Variants in ZNF549 observed in about 807,000 individuals in gnomAD.
The protein encoded by ZNF549 is zinc finger protein 549.
In ZNF549, 11 loss-of-function variants were observed where a neutral mutation model predicts 11.1. That is an observed-to-expected ratio of 0.99 (90% CI 0.62 to 1.64). The LOEUF (loss-of-function observed/expected upper bound fraction) is 1.64, where lower values mean the gene tolerates loss of function less well. ZNF549 is among the 40% of genes most tolerant of loss of function. ZNF549 has a pLI of 0.00. For missense variants in ZNF549, 748 were observed against 765.1 expected, an observed-to-expected ratio of 0.98 and a Z score of 0.26; for synonymous variants, 266 against 269.1, an observed-to-expected ratio of 0.99 and a Z score of 0.11.
At chr19:57,536,302 T>A (rs2089924310) in intron 3 of ZNF549, among the ~76,000 whole-genome samples, 1 of 152,144 alleles carries the variant, frequency 6.6e-6, no homozygotes, top group Admixed American at 6.5e-5. Context: ...CATCCTAGCT[T>A]AGCAACACAG....
chr19:57,527,508 C>T lies in ZNF549; in HGVS notation c.-66C>T, dbSNP rs1568587738. Reference sequence around the variant, plus strand: ...CTGAGCGTCGCCCAGCGATTTGCCACCGCACGCACGCCGGATCCCGGGCTT... The same window carrying T: ...CTGAGCGTCGCCCAGCGATTTGCCATCGCACGCACGCCGGATCCCGGGCTT... On this transcript the variant is annotated 5_prime_UTR_variant, in exon 1 of 4. Transcript: ENST00000376233. 1 of 1,605,960 alleles carries T rather than the reference C, an allele frequency of 6.2e-7. No homozygotes were observed. Among genetic ancestry groups the T allele is most frequent in the East Asian group, 2.2e-5 (1 of 44,586 alleles).
At position 57,534,337 on chromosome 19, in the gene ZNF549, A is replaced by G. The variant is rs145755246; in HGVS notation, c.73-807A>G. ...GGCAAAGCAGTAATGGAGGTCAAAT[A>G]ACACCAAGGTCAGGGCTGGTGCTTT... is the stretch of plus-strand genomic sequence containing the variant. On this transcript the variant is annotated intron_variant, in intron 2 of 3. Transcript: ENST00000376233. 4.6e-4 allele frequency among the ~76,000 whole-genome samples: 70 copies of G among 152,294 alleles called. 1 individual carries two copies. In the East Asian group the frequency reaches 0.013, roughly 29 times the overall value.
chr19:57,537,836 A>C lies in ZNF549; in HGVS notation c.832A>C (p.Asn278His). Reference protein sequence around the residue: ...THNAEKPYVCNICGKSFLHKQ... With the variant: ...THNAEKPYVCHICGKSFLHKQ... ...TAATGCAGAAAAGCCTTATGTGTGC[A>C]ATATATGTGGGAAATCATTCCTCCA... is the stretch of plus-strand genomic sequence containing the variant. The change falls in exon 4 of 4, where the codon AAT (asparagine) becomes CAT (histidine). Residue 278 changes from asparagine (N) to histidine (H), a missense_variant. Transcript: ENST00000376233. 1 of 1,614,242 alleles carries C rather than the reference A, an allele frequency of 6.2e-7. No individual in the cohort carries two copies. Among genetic ancestry groups the C allele is most frequent in the Non-Finnish European group, 8.5e-7 (1 of 1,180,036 alleles).
At chr19:57,536,999 G>A (rs192964974) in intron 3 of ZNF549, among the ~76,000 whole-genome samples, 61 of 152,290 alleles carry the variant, frequency 4.0e-4, no homozygotes, top group African/African-American at 1.3e-3. Context: ...GGGAGGCTGA[G>A]ATGGGAGTGT....
intron 1 of ZNF549, among the ~76,000 whole-genome samples, chr19:57,530,063 C>T (rs1416141860): frequency 6.6e-6 from 1 of 151,946 alleles, no homozygotes; most frequent in Non-Finnish European, 1.5e-5. Context: ...CTGCAAATAG[C>T]AAAACAGCTG....
At chr19:57,534,911 C>T (rs1047463260) in intron 2 of ZNF549, among the ~76,000 whole-genome samples, 6 of 152,132 alleles carry the variant, frequency 3.9e-5, no homozygotes, top group African/African-American at 9.7e-5. Flanking sequence ...TCAGGATCCT[C>T]GTACTGGCAC....
Position 57,527,419 on chromosome 19 carries a change from G to A in ZNF549, c.-155G>A. 9.0e-7 allele frequency: 1 copy of A among 1,115,338 alleles called. No homozygotes were observed. Among genetic ancestry groups the A allele is most frequent in the South Asian group, 1.3e-5 (1 of 75,258 alleles). The allele number at this position is 1,115,338 out of a possible 1,614,324, so 69.1% of individuals were successfully genotyped here. A position where few individuals can be genotyped will look rare whatever the true frequency, so the allele number is the denominator to read the frequency against. ...TTCCGGCTCGCTGGGTCCGGGCCAG[G>A]TAACTGGAGCCGGAAACCGGTGGAG... On this transcript the variant is annotated 5_prime_UTR_variant, in exon 1 of 4. Transcript: ENST00000376233.
intron 2 of ZNF549, among the ~76,000 whole-genome samples, chr19:57,531,365 A>G (rs1036018049): frequency 3.9e-5 from 6 of 152,168 alleles, no homozygotes; most frequent in African/African-American, 1.4e-4. Flanking sequence ...AGAGATGAGA[A>G]TGATATGGGC....
At chr19:57,536,110 A>T (rs767622939) in intron 3 of ZNF549, among the ~76,000 whole-genome samples, 1 of 152,084 alleles carries the variant, frequency 6.6e-6, no homozygotes, top group African/African-American at 2.4e-5. Flanking sequence ...TGTTCTCCAC[A>T]TCTCTCCTGT....
In ZNF549 at chr19:57,538,838, C is replaced by G; in HGVS notation, c.1834C>G (p.Pro612Ala). 1 of 1,613,778 alleles carries G rather than the reference C, an allele frequency of 6.2e-7. No individual in the cohort carries two copies. Among genetic ancestry groups the G allele is most frequent in the Non-Finnish European group, 8.5e-7 (1 of 1,180,030 alleles). The change falls in exon 4 of 4, where the codon CCG becomes GCG. Residue 612 changes from proline (P) to alanine (A), a missense_variant. Physicochemically the swap from Pro to Ala is conservative, Grantham distance 27. Transcript: ENST00000376233. ...TCAGCGAATCCACACCGGAGAAAAG[C>G]CGTATGAATGTGGTAAATGTGGGAA... ...EHQRIHTGEKPYECGKCGKAF... is the reference protein window; with the variant it reads ...EHQRIHTGEKAYECGKCGKAF...
At position 57,527,469 on chromosome 19, in the gene ZNF549, T is replaced by C; in HGVS notation, c.-105T>C. The C allele has an allele frequency of 6.6e-7, 1 of 1,504,282 alleles. No individual in the cohort carries two copies. The highest frequency in any genetic ancestry group is 1.2e-5 in the South Asian group (1 of 85,858). The allele number at this position is 1,504,282 out of a possible 1,614,324, so 93.2% of individuals were successfully genotyped here. On this transcript the variant is annotated 5_prime_UTR_variant, in exon 1 of 4. Transcript: ENST00000376233. The stretch of plus-strand genomic sequence containing the variant: ...GGTGGTGTCCGCCCGCAGAGGAGCT[T>C]GCCTGGTCTCGGTCTGAGCGTCGCC...
At chr19:57,528,656 C>T (rs192514084) in intron 1 of ZNF549, among the ~76,000 whole-genome samples, 3 of 152,272 alleles carry the variant, frequency 2.0e-5, no homozygotes, top group Non-Finnish European at 4.4e-5. Context: ...GAGGGTGGGA[C>T]ACTGTGTAGA....
chr19:57,535,853 C>A (rs773815168), intron 3 of ZNF549, among the ~76,000 whole-genome samples: 3 of 152,060 alleles, frequency 2.0e-5, no homozygotes, highest in Non-Finnish European at 4.4e-5. Context: ...AGGGGAGAGG[C>A]CTGTGTTCCT....
chr19:57,527,483 C>T lies in ZNF549; in HGVS notation c.-91C>T, dbSNP rs2089882513. ...GCAGAGGAGCTTGCCTGGTCTCGGT[C>T]TGAGCGTCGCCCAGCGATTTGCCAC... On this transcript the variant is annotated 5_prime_UTR_variant, in exon 1 of 4. Coordinates refer to ENST00000376233, the MANE Select transcript of ZNF549 (RefSeq NM_001199295.2). The T allele has an allele frequency of 1.3e-6, 2 of 1,566,232 alleles. No homozygotes were observed. The highest frequency in any genetic ancestry group is 3.4e-5 in the Admixed American group (2 of 57,978).
At chr19:57,537,100 A>C (rs1032823858) in intron 3 of ZNF549, 104 bp from the exon 4 acceptor site, 1 of 1,373,068 alleles carries the variant, frequency 7.3e-7, no homozygotes, top group Non-Finnish European at 9.8e-7. Flanking sequence ...TCTCAAAGAA[A>C]AACCATGGAC....
intron 3 of ZNF549, among the ~76,000 whole-genome samples, chr19:57,535,687 C>T (rs896938103): frequency 2.0e-5 from 3 of 152,114 alleles, no homozygotes; most frequent in South Asian, 4.2e-4. Flanking sequence ...CAGCAAGACC[C>T]CCTCCCAAGG....
chr19:57,533,456 G>A (rs1221488498), intron 2 of ZNF549, among the ~76,000 whole-genome samples: 1 of 152,188 alleles, frequency 6.6e-6, no homozygotes, highest in Non-Finnish European at 1.5e-5. Context: ...GCTTTGTTTA[G>A]AGGAACACAT....
intron 1 of ZNF549, among the ~76,000 whole-genome samples, chr19:57,530,741 A>C (rs1175678086): frequency 6.6e-6 from 1 of 152,160 alleles, no homozygotes; most frequent in Non-Finnish European, 1.5e-5. Context: ...TCAAAGAAGC[A>C]CAGAAGCCTC....
At position 57,527,529 on chromosome 19, in the gene ZNF549, G is replaced by T. The variant is rs1231932590; in HGVS notation, c.-45G>T. 1 of 1,612,208 alleles carries T rather than the reference G, an allele frequency of 6.2e-7. No homozygotes were observed. ...GCCACCGCACGCACGCCGGATCCCGGGCTTTACCGCCCGCCTTTCCAGGCC... is the reference window on the plus strand; with the variant it reads ...GCCACCGCACGCACGCCGGATCCCGTGCTTTACCGCCCGCCTTTCCAGGCC... On this transcript the variant is annotated 5_prime_UTR_variant, in exon 1 of 4. Transcript: ENST00000376233.
Sources: gnomAD v4.1 joint callset for allele counts (sites outside exome capture counted in the v4.1 genomes callset) on GRCh38, gnomAD v4.1.1 for gene constraint, MANE v1.5 for transcripts, NCBI Gene and HGNC (gene_info 2026-07-23, HGNC 2026-07-21) for gene names.